IL2RB: variants seen among roughly 807,000 people sequenced by gnomAD.
The protein encoded by IL2RB is interleukin-2 receptor subunit beta.
Under a neutral mutation model 44.2 loss-of-function variants are expected in IL2RB, and 17 were observed. That is an observed-to-expected ratio of 0.38 (90% CI 0.26 to 0.58). IL2RB has a LOEUF of 0.58. Ranked by LOEUF, IL2RB falls within the 20% of genes least tolerant of loss-of-function variation. The pLI, the probability that IL2RB is intolerant of heterozygous loss-of-function variation, is 0.63. For missense variants in IL2RB, 624 were observed against 685.5 expected, an observed-to-expected ratio of 0.91 and a Z score of 1.00; for synonymous variants, 286 against 297.9, an observed-to-expected ratio of 0.96 and a Z score of 0.41.
intron 1 of IL2RB, among the ~76,000 whole-genome samples, chr22:37,164,443 C>T (rs1196470108): frequency 7.4e-6 from 1 of 135,704 alleles, no homozygotes; most frequent in African/African-American, 2.7e-5. Context: ...GCCGTTCCTG[C>T]ATGAAGCAGT....
At chr22:37,154,417 G>A (rs953510173), upstream of IL2RB, among the ~76,000 whole-genome samples, 3 of 152,084 alleles carry the variant, frequency 2.0e-5, no homozygotes, top group Non-Finnish European at 4.4e-5. Flanking sequence ...CATCAGCTCG[G>A]GTCTGCTTCC....
At chr22:37,142,749 G>T (rs1385941182) in intron 3 of IL2RB, 1 of 672,002 alleles carries the variant, frequency 1.5e-6, no homozygotes, top group South Asian at 1.6e-5. Context: ...CAGCTGGAGT[G>T]ATCTAGAAAC....
chr22:37,156,730 C>G (rs1458724584), intron 1 of IL2RB, among the ~76,000 whole-genome samples: 1 of 152,194 alleles, frequency 6.6e-6, no homozygotes, highest in Non-Finnish European at 1.5e-5. Context: ...GGAGATGTAG[C>G]CAGCTATAAG....
rs974461879 is a variant in IL2RB, at chr22:37,127,272, A to T, written c.*824T>A. Reference sequence around the variant, plus strand: ...GCACTCTGAGGCCTCAGAGATCCCAAAGGAATAGTAACAGGGCCTCTTTCT... The same window carrying T: ...GCACTCTGAGGCCTCAGAGATCCCATAGGAATAGTAACAGGGCCTCTTTCT... On this transcript the variant is annotated 3_prime_UTR_variant, in exon 10 of 10. Transcript: ENST00000216223. 6.6e-6 allele frequency: 1 copy of T among 152,158 alleles called. No homozygotes were observed. The highest frequency in any genetic ancestry group is 1.5e-5 in the Non-Finnish European group (1 of 68,026). The allele number at this position is 152,158 out of a possible 1,614,324, so 9.4% of individuals were successfully genotyped here.
rs190679692 is a variant in IL2RB, at chr22:37,126,237, A to C, written c.*1859T>G. ...GAAACATTCAGGACCCTATGGCAGG[A>C]GGTGAGACTGTCCAATAATTCAGCT... is the stretch of plus-strand genomic sequence containing the variant. On this transcript the variant is annotated 3_prime_UTR_variant, in exon 10 of 10. Coordinates refer to ENST00000216223, the MANE Select transcript of IL2RB (RefSeq NM_000878.5). 4.6e-5 allele frequency: 7 copies of C among 152,230 alleles called. No homozygotes were observed. In the East Asian group the frequency reaches 1.4e-3, roughly 29 times the overall value. The allele number at this position is 152,230 out of a possible 1,614,324, so 9.4% of individuals were successfully genotyped here.
intron 7 of IL2RB, among the ~76,000 whole-genome samples, chr22:37,135,753 C>A (rs907310237): frequency 6.6e-6 from 1 of 151,906 alleles, no homozygotes; most frequent in African/African-American, 2.4e-5. Flanking sequence ...CTCTCCACCT[C>A]CCTCCAAGCA....
At position 37,128,973 on chromosome 22, in the gene IL2RB, C is replaced by T. The variant is rs973293008; in HGVS notation, c.904-125G>A. The stretch of plus-strand genomic sequence containing the variant: ...AGCAGTTGGCCCAGGGCTGCCCCAT[C>T]CAGGAAGCTCTCCCTGATTATAGCC... On this transcript the variant is annotated intron_variant, in intron 9 of 9. Coordinates refer to ENST00000216223, the MANE Select transcript of IL2RB (RefSeq NM_000878.5). The surrounding 1 kb of genome is among the most constrained non-coding windows in gnomAD (Gnocchi z 4.5). The T allele has an allele frequency of 1.7e-5, 20 of 1,153,530 alleles. No homozygotes were observed. The highest frequency in any genetic ancestry group is 2.4e-5 in the Non-Finnish European group (20 of 840,924). The allele number at this position is 1,153,530 out of a possible 1,614,324, so 71.5% of individuals were successfully genotyped here.
At chr22:37,143,715 G>T in intron 2 of IL2RB, 80 bp from the exon 3 acceptor site, 1 of 986,292 alleles carries the variant, frequency 1.0e-6, no homozygotes, top group Non-Finnish European at 1.6e-6. Context: ...CCCTGCACCT[G>T]GCACCCACAC....
At chr22:37,171,925 T>C (rs1001113923) in intron 1 of IL2RB, among the ~76,000 whole-genome samples, 4 of 152,218 alleles carry the variant, frequency 2.6e-5, no homozygotes, top group Admixed American at 2.6e-4. Flanking sequence ...TTGCACCTTA[T>C]ATAAACCTCT....
chr22:37,131,119 G>A (rs914367405), intron 9 of IL2RB, among the ~76,000 whole-genome samples: 50 of 152,254 alleles, frequency 3.3e-4, no homozygotes, highest in African/African-American at 1.2e-3. Flanking sequence ...GTGAGCTGAG[G>A]TCGTGCCATT....
chr22:37,131,872 G>A (rs1921448349), intron 9 of IL2RB, among the ~76,000 whole-genome samples: 1 of 152,120 alleles, frequency 6.6e-6, no homozygotes, highest in Non-Finnish European at 1.5e-5. Context: ...GAGTAGCTGG[G>A]ATTACAGGCA....
intron 1 of IL2RB, among the ~76,000 whole-genome samples, chr22:37,144,922 A>T (rs1447853239): frequency 6.6e-6 from 1 of 152,200 alleles, no homozygotes; most frequent in East Asian, 1.9e-4. Flanking sequence ...GTTCATTGCT[A>T]GGTCCACAAT....
intron 4 of IL2RB, among the ~76,000 whole-genome samples, chr22:37,140,366 C>T (rs1180707731): frequency 6.6e-6 from 1 of 151,656 alleles, no homozygotes; most frequent in Non-Finnish European, 1.5e-5. Flanking sequence ...ATCATACATT[C>T]GCGTGATCAC....
intron 8 of IL2RB, among the ~76,000 whole-genome samples, chr22:37,133,752 C>T (rs762967398): frequency 3.9e-5 from 6 of 152,204 alleles, no homozygotes; most frequent in Non-Finnish European, 8.8e-5. Context: ...CCCAGGTCCT[C>T]ACCACAGCCT....
intron 5 of IL2RB, 172 bp downstream of exon 5, chr22:37,138,945 A>T (rs1921830473): frequency 1.7e-6 from 1 of 584,754 alleles, no homozygotes; most frequent in African/African-American, 1.9e-5. Flanking sequence ...GCGGCCTTGA[A>T]TGCCAGAGGA....
At chr22:37,143,997 C>T in intron 2 of IL2RB, 88 bp downstream of exon 2, 1 of 1,538,204 alleles carries the variant, frequency 6.5e-7, no homozygotes, top group Non-Finnish European at 8.8e-7. Flanking sequence ...GGTCTCTGGC[C>T]CCATCCCCTT....
At chr22:37,170,277 G>A (rs551866540) in intron 1 of IL2RB, among the ~76,000 whole-genome samples, 16 of 152,306 alleles carry the variant, frequency 1.1e-4, no homozygotes, top group Middle Eastern at 3.4e-3. Context: ...GCCAAGGTTG[G>A]GGGTGAAATG....
chr22:37,135,513 C>T (rs1258551501), intron 7 of IL2RB, 71 bp from the exon 8 acceptor site: 1 of 889,888 alleles, frequency 1.1e-6, no homozygotes, highest in African/African-American at 1.6e-5. Context: ...GGGTCGGTCA[C>T]CCCAACACCC....
At position 37,128,711 on chromosome 22, in the gene IL2RB, T is replaced by C; in HGVS notation, c.1041A>G (p.Ala347=). 1 of 1,614,160 alleles carries C rather than the reference T, an allele frequency of 6.2e-7. No individual in the cohort carries two copies. The highest frequency in any genetic ancestry group is 1.6e-4 in the Middle Eastern group (1 of 6,062). Residue 347 remains alanine (A), a synonymous_variant, in exon 10 of 10, where the codon GCA becomes GCG. Coordinates refer to ENST00000216223, the MANE Select transcript of IL2RB (RefSeq NM_000878.5). The surrounding 1 kb of genome is among the most constrained non-coding windows in gnomAD (Gnocchi z 4.5). ...TCAGCGAGTGGTTGCTGCTTAAGGATGCGGGCTCAGGCACCTTGTCCTGCT... is the reference window on the plus strand; with the variant it reads ...TCAGCGAGTGGTTGCTGCTTAAGGACGCGGGCTCAGGCACCTTGTCCTGCT... ...LLQQDKVPEP[A]SLSSNHSLTS... is the part of the protein sequence containing the mutation.
Sources: gnomAD v4.1 joint callset for allele counts (sites outside exome capture counted in the v4.1 genomes callset) on GRCh38, gnomAD v4.1.1 for gene constraint, Gnocchi (gnomAD v3.1) non-coding constraint, MANE v1.5 for transcripts, NCBI Gene and HGNC (gene_info 2026-07-23, HGNC 2026-07-21) for gene names.